The following PIK3CD variants were observed in gnomAD, a reference collection of about 807,000 sequenced individuals.
PIK3CD encodes phosphatidylinositol-4,5-bisphosphate 3-kinase catalytic subunit delta.
PIK3CD carries 20 observed loss-of-function variants against 122.9 expected under a neutral mutation model. That is an observed-to-expected ratio of 0.16 (90% confidence interval 0.11 to 0.24). The LOEUF is 0.24. Among genes scored for constraint, PIK3CD ranks in the 10% least tolerant of loss-of-function variants. The pLI is 1.00. For missense variants in PIK3CD, 787 were observed against 1,406.3 expected, an observed-to-expected ratio of 0.56 and a Z score of 7.04; for synonymous variants, 596 against 593.4, an observed-to-expected ratio of 1.00 and a Z score of -0.06.
In PIK3CD at chr1:9,723,461, C is replaced by G. The variant is rs1339108938; in HGVS notation, c.2594+169C>G. ...CTGGGTTGGGGTGAGGTAGGTCTCTCTTCCCCAAGTATCAGTGTCTCTTGC... is the reference window on the plus strand; with the variant it reads ...CTGGGTTGGGGTGAGGTAGGTCTCTGTTCCCCAAGTATCAGTGTCTCTTGC... On this transcript the variant is annotated intron_variant, in intron 20 of 23. Coordinates refer to ENST00000377346, the MANE Select transcript of PIK3CD (RefSeq NM_005026.5). This position sits in a 1 kb window ranked among gnomAD's most constrained non-coding sequence, Gnocchi z 4.9. Among the ~76,000 whole-genome samples, 2 of 152,206 alleles carry G rather than the reference C, an allele frequency of 1.3e-5. No individual in the cohort carries two copies. The highest frequency in any genetic ancestry group is 2.9e-5 in the Non-Finnish European group (2 of 68,036).
upstream of PIK3CD, among the ~76,000 whole-genome samples, chr1:9,651,387 TCTC>T (rs941553663): frequency 9.9e-5 from 15 of 152,262 alleles, no homozygotes; most frequent in Non-Finnish European, 1.0e-4. Flanking sequence ...CCCCTCTTCT[TCTC>T]CTGCTCTCAG....
rs1648212890 is a variant in PIK3CD, at chr1:9,719,841, T to TG, written c.1243-76dup. 5 of 1,114,792 alleles carry TG rather than the reference T, an allele frequency of 4.5e-6. No individual in the cohort carries two copies. Among genetic ancestry groups the TG allele is most frequent in the Non-Finnish European group, 6.9e-6 (5 of 725,874 alleles). The allele number at this position is 1,114,792 out of a possible 1,614,324, so 69.1% of individuals were successfully genotyped here. ...TAGCTGGGCTCTGGGTCTTCTCGGGTGGGGTGCCTGGGGGAGGGCAGGGAA... is the reference window on the plus strand; with the variant it reads ...TAGCTGGGCTCTGGGTCTTCTCGGGTGGGGGTGCCTGGGGGAGGGCAGGGAA... On this transcript the variant is annotated intron_variant, in intron 9 of 23. Transcript: ENST00000377346. The surrounding 1 kb of genome is among the most constrained non-coding windows in gnomAD (Gnocchi z 5.5).
chr1:9,716,696 C>T, intron 6 of PIK3CD, 77 bp downstream of exon 6: 1 of 1,435,560 alleles, frequency 7.0e-7, no homozygotes, highest in Non-Finnish European at 9.6e-7. Flanking sequence ...GGGGAGCTGA[C>T]ATTTGGGCGC....
At chr1:9,675,559 G>A (rs1485274625) in intron 1 of PIK3CD, among the ~76,000 whole-genome samples, 1 of 151,958 alleles carries the variant, frequency 6.6e-6, no homozygotes, top group African/African-American at 2.4e-5. Flanking sequence ...CTCCAAACAC[G>A]GGCTTGTTCC....
the PIK3CD span, among the ~76,000 whole-genome samples, chr1:9,630,325 T>C: frequency 3.9e-5 from 6 of 152,240 alleles, no homozygotes; most frequent in Non-Finnish European, 5.9e-5. Context: ...GTGAAGGGGC[T>C]GTTCCTGCAC....
chr1:9,645,926 A>AT, the PIK3CD span, among the ~76,000 whole-genome samples: 1 of 150,674 alleles, frequency 6.6e-6, no homozygotes, highest in Non-Finnish European at 1.5e-5. Context: ...TTTATTTTTT[A>AT]TTTTTTTATT....
At chr1:9,664,503 G>A (rs1200677262) in intron 1 of PIK3CD, among the ~76,000 whole-genome samples, 2 of 152,140 alleles carry the variant, frequency 1.3e-5, no homozygotes, top group African/African-American at 4.8e-5. Context: ...AGATACAGGG[G>A]GTTTTACCAC....
rs762613598 is a variant in PIK3CD at position 9,724,838 on chromosome 1, C to T, written c.2899C>T (p.Leu967=). Residue 967 remains leucine (L), a synonymous_variant, in exon 23 of 24, where the codon CTG becomes TTG. Coordinates refer to ENST00000377346, the MANE Select transcript of PIK3CD (RefSeq NM_005026.5). This position sits in a 1 kb window ranked among gnomAD's most constrained non-coding sequence, Gnocchi z 7.3. ...CTACTGTGAAAGGGCCTACACCATC[C>T]TGCGGCGCCACGGGCTTCTCTTCCT... ...RGYCERAYTI[L]RRHGLLFLHL... is the part of the protein sequence containing the mutation. The T allele has an allele frequency of 4.0e-5, 65 of 1,613,752 alleles. No individual in the cohort carries two copies. Among genetic ancestry groups the T allele is most frequent in the Non-Finnish European group, 5.3e-5 (63 of 1,180,052 alleles).
At chr1:9,702,500 C>CCTTTTTTTTT (rs1646675709) in intron 2 of PIK3CD, among the ~76,000 whole-genome samples, 1 of 25,804 alleles carries the variant, frequency 3.9e-5, no homozygotes, top group Non-Finnish European at 1.0e-4. Context: ...AAGAACTTTC[C>CCTTTTTTTTT]TTTTTTTTTT....
chr1:9,724,981 G>C lies in PIK3CD; in HGVS notation c.2997+45G>C. ...CTGCTGTCGCCAGTGGACTTCCAAG[G>C]CCTGCCCCCGAGCAATGTGACCTAG... On this transcript the variant is annotated intron_variant, in intron 23 of 23. Transcript: ENST00000377346. The surrounding 1 kb of genome is among the most constrained non-coding windows in gnomAD (Gnocchi z 7.3). The C allele has an allele frequency of 6.2e-7, 1 of 1,610,272 alleles. No individual in the cohort carries two copies. The highest frequency in any genetic ancestry group is 1.3e-5 in the African/African-American group (1 of 75,030).
chr1:9,726,765 A>G (rs1649704309), intron 23 of PIK3CD, 144 bp from the exon 24 acceptor site: 1 of 1,021,390 alleles, frequency 9.8e-7, no homozygotes, highest in Non-Finnish European at 1.5e-6. Context: ...TGAGGGTGGG[A>G]GCGGAATAGA....
chr1:9,701,379 CAT>C (rs1646622934), intron 2 of PIK3CD, among the ~76,000 whole-genome samples: 1 of 152,078 alleles, frequency 6.6e-6, no homozygotes, highest in African/African-American at 2.4e-5. Context: ...GGAGACAAAA[CAT>C]AAAATCAAAG....
At position 9,726,980 on chromosome 1, in the gene PIK3CD, C is replaced by T. The variant is rs1649757828; in HGVS notation, c.3069C>T (p.Leu1023=). The change falls in exon 24 of 24, where the codon CTC becomes CTT. Residue 1023 remains leucine (L), a synonymous_variant. Coordinates refer to ENST00000377346, the MANE Select transcript of PIK3CD (RefSeq NM_005026.5). The stretch of plus-strand genomic sequence containing the variant: ...TCCGAGTGAAGTTTAACGAAGCCCT[C>T]CGTGAGAGCTGGAAAACCAAAGTGA... ...KHFRVKFNEA[L]RESWKTKVNW... 1 of 1,614,006 alleles carries T rather than the reference C, an allele frequency of 6.2e-7. No individual in the cohort carries two copies. Among genetic ancestry groups the T allele is most frequent in the Admixed American group, 1.7e-5 (1 of 59,986 alleles).
the PIK3CD span, among the ~76,000 whole-genome samples, chr1:9,628,454 A>G: frequency 0.79 from 119,913 of 152,166 alleles, 47,405 homozygotes; most frequent in Admixed American, 0.85. Context: ...GCATTTTTAC[A>G]TATATGAATT....
intron 2 of PIK3CD, among the ~76,000 whole-genome samples, chr1:9,695,843 CAAA>C (rs1265700443): frequency 2.9e-5 from 2 of 69,498 alleles, no homozygotes; most frequent in Admixed American, 1.6e-4. Flanking sequence ...GACTCAGTCT[CAAA>C]AAAAAAAAAA....
chr1:9,723,684 G>T lies in PIK3CD; in HGVS notation c.2595-285G>T, dbSNP rs112880809. Among the ~76,000 whole-genome samples, 2 of 152,228 alleles carry T rather than the reference G, an allele frequency of 1.3e-5. No individual in the cohort carries two copies. Among genetic ancestry groups the T allele is most frequent in the African/African-American group, 4.8e-5 (2 of 41,540 alleles). On this transcript the variant is annotated intron_variant, in intron 20 of 23. Transcript: ENST00000377346. This position sits in a 1 kb window ranked among gnomAD's most constrained non-coding sequence, Gnocchi z 4.9. ...CCCATCTCATTCCTGGGGCCTTGGC[G>T]CCAGCTGTCTGTGATGCCTCTCTGC...
rs1463129853 is a variant in PIK3CD, at chr1:9,652,135, CTCACA to C, written c.-138+334_-138+338del. ...GCCCGGCAGCGGGGTTTCAGCTGCG[CTCACA>C]GCGGCGGTGCGGCCTCCGGTGCGCC... On this transcript the variant is annotated intron_variant, in intron 1 of 23. Coordinates refer to ENST00000377346, the MANE Select transcript of PIK3CD (RefSeq NM_005026.5). This position sits in a 1 kb window ranked among gnomAD's most constrained non-coding sequence, Gnocchi z 6.2. Among the ~76,000 whole-genome samples, 1 of 152,072 alleles carries C rather than the reference CTCACA, an allele frequency of 6.6e-6. No homozygotes were observed. Among genetic ancestry groups the C allele is most frequent in the African/African-American group, 2.4e-5 (1 of 41,442 alleles).
At chr1:9,712,768 G>A (rs1203030378) in intron 3 of PIK3CD, among the ~76,000 whole-genome samples, 1 of 152,166 alleles carries the variant, frequency 6.6e-6, no homozygotes, top group African/African-American at 2.4e-5. Flanking sequence ...TGGCATGGTG[G>A]CTCATGCCTA....
chr1:9,667,538 G>A (rs930270592), intron 1 of PIK3CD, among the ~76,000 whole-genome samples: 4 of 151,624 alleles, frequency 2.6e-5, no homozygotes, highest in African/African-American at 7.3e-5. Context: ...CACCACGCCC[G>A]GCTAATTTTT....
Sources: allele counts gnomAD v4.1 joint callset (sites outside exome capture counted in the v4.1 genomes callset), GRCh38; gene constraint gnomAD v4.1.1; non-coding constraint Gnocchi (gnomAD v3.1); transcripts MANE v1.5; gene names NCBI Gene and HGNC (gene_info 2026-07-23, HGNC 2026-07-21).